FAM53A: variants seen among roughly 807,000 people sequenced by gnomAD.
The protein encoded by FAM53A is protein FAM53A.
FAM53A carries 28 observed loss-of-function variants against 26.6 expected under a neutral mutation model. That is an observed-to-expected ratio of 1.05 (90% CI 0.78 to 1.45). FAM53A has a LOEUF of 1.45. FAM53A is among the 40% of genes most tolerant of loss of function. The pLI is 0.00. For synonymous variants in FAM53A, 290 were observed against 253.1 expected (o/e 1.15, Z -1.38); for missense variants, 650 against 575.8 (o/e 1.13, Z -1.32).
the FAM53A span, among the ~76,000 whole-genome samples, chr4:1,583,727 C>T: frequency 6.6e-6 from 1 of 152,220 alleles, no homozygotes; most frequent in Non-Finnish European, 1.5e-5. Flanking sequence ...GCGTTAGTGT[C>T]GTTCTTGCCG....
At chr4:1,665,221 G>C (rs1432024935) in intron 2 of FAM53A, among the ~76,000 whole-genome samples, 1 of 152,116 alleles carries the variant, frequency 6.6e-6, no homozygotes, top group Non-Finnish European at 1.5e-5. Context: ...AGGAGACTGA[G>C]GCAAGAGAAT....
At chr4:1,578,629 C>T in the FAM53A span, among the ~76,000 whole-genome samples, 5 of 150,836 alleles carry the variant, frequency 3.3e-5, no homozygotes, top group African/African-American at 1.2e-4. Context: ...GCGCCCTGCC[C>T]TCCACGCCCA....
At chr4:1,603,557 A>G in the FAM53A span, among the ~76,000 whole-genome samples, 4 of 152,134 alleles carry the variant, frequency 2.6e-5, no homozygotes, top group Non-Finnish European at 5.9e-5. Flanking sequence ...CGATGGTCCC[A>G]GGAGGCTTCC....
chr4:1,655,302 C>T lies in FAM53A; in HGVS notation c.558G>A (p.Arg186=), dbSNP rs1476193093. The T allele has an allele frequency of 7.0e-7, 1 of 1,423,986 alleles. No homozygotes were observed. The allele number at this position is 1,423,986 out of a possible 1,614,324, so 88.2% of individuals were successfully genotyped here. A position where few individuals can be genotyped will look rare whatever the true frequency, so the allele number is the denominator to read the frequency against. ...STGPTSPATP[R]PSSASGGFVD... ...CGAAGCCGCCGCTGGCGGAGGACGG[C>T]CGGGGCGTGGCGGGCGAGGTGGGAC... Residue 186 remains arginine, a synonymous_variant, in exon 4 of 5, where the codon CGG becomes CGA. Coordinates refer to ENST00000308132, the MANE Select transcript of FAM53A (RefSeq NM_001174070.3).
At chr4:1,595,360 C>T in the FAM53A span, among the ~76,000 whole-genome samples, 10 of 152,198 alleles carry the variant, frequency 6.6e-5, no homozygotes, top group Non-Finnish European at 1.3e-4. Flanking sequence ...CACATCCTGG[C>T]GCCCTGCTGA....
chr4:1,644,516 C>A (rs1021378965), intron 4 of FAM53A: 9 of 831,764 alleles, frequency 1.1e-5, no homozygotes, highest in Middle Eastern at 3.8e-4. Flanking sequence ...GAAACCGAGG[C>A]CCACGGGGCC....
chr4:1,647,525 C>G (rs911616015), intron 4 of FAM53A, among the ~76,000 whole-genome samples: 1 of 152,128 alleles, frequency 6.6e-6, no homozygotes, highest in Admixed American at 6.5e-5. Context: ...TGAGGATGAT[C>G]GCCGAACGGT....
At chr4:1,653,382 C>G (rs13144025) in intron 4 of FAM53A, among the ~76,000 whole-genome samples, 2 of 152,148 alleles carry the variant, frequency 1.3e-5, no homozygotes, top group Admixed American at 1.3e-4. Flanking sequence ...AACCCAGGGC[C>G]GCTCTACATT....
chr4:1,652,152 C>T (rs1000705429), intron 4 of FAM53A, among the ~76,000 whole-genome samples: 1 of 143,666 alleles, frequency 7.0e-6, no homozygotes, highest in African/African-American at 2.6e-5. Context: ...ACACACCACA[C>T]GTCACACACA....
At chr4:1,673,225 G>T (rs934871215) in intron 1 of FAM53A, among the ~76,000 whole-genome samples, 2 of 152,184 alleles carry the variant, frequency 1.3e-5, no homozygotes, top group African/African-American at 2.4e-5. Context: ...AATGCAGCAC[G>T]TGACCCTGGG....
intron 1 of FAM53A, among the ~76,000 whole-genome samples, chr4:1,674,849 C>T (rs1714927451): frequency 6.6e-6 from 1 of 152,168 alleles, no homozygotes; most frequent in South Asian, 2.1e-4. Context: ...GCACCAGTCA[C>T]GAGGCATGAT....
At chr4:1,684,405 G>A (rs1393472523), upstream of FAM53A, 22 of 147,980 alleles carry the variant, frequency 1.5e-4, no homozygotes, top group Middle Eastern at 3.2e-3. Flanking sequence ...CCCGTCAGCC[G>A]CCGCCTTCTC....
the FAM53A span, among the ~76,000 whole-genome samples, chr4:1,587,403 G>T: frequency 2.0e-3 from 297 of 152,260 alleles, no homozygotes; most frequent in African/African-American, 6.8e-3. Flanking sequence ...CGGGCACAGT[G>T]GTTTACGTCT....
downstream of FAM53A, among the ~76,000 whole-genome samples, chr4:1,614,440 A>G: frequency 7.9e-6 from 1 of 126,476 alleles, no homozygotes; most frequent in Non-Finnish European, 1.6e-5. Context: ...AGGGGGATGC[A>G]GAGACATGAG....
chr4:1,679,493 C>A (rs528740542), intron 1 of FAM53A, among the ~76,000 whole-genome samples: 6 of 151,572 alleles, frequency 4.0e-5, no homozygotes, highest in Admixed American at 3.3e-4. Flanking sequence ...CGAGACCAGC[C>A]TGGCCAATGT....
the FAM53A span, among the ~76,000 whole-genome samples, chr4:1,593,151 G>T: frequency 3.3e-5 from 5 of 152,180 alleles, no homozygotes; most frequent in Non-Finnish European, 2.9e-5. Context: ...GAGGCACCAG[G>T]TCCTGGGTCG....
downstream of FAM53A, among the ~76,000 whole-genome samples, chr4:1,635,906 C>T (rs558835576): frequency 5.8e-5 from 8 of 136,802 alleles, no homozygotes; most frequent in East Asian, 4.2e-4. Context: ...TGCAGTGGCG[C>T]GATCTCGGCT....
chr4:1,633,002 G>A (rs28377224), intron 1 of FAM53A, among the ~76,000 whole-genome samples: 28 of 152,290 alleles, frequency 1.8e-4, no homozygotes, highest in African/African-American at 5.1e-4. Context: ...GTACACACTC[G>A]TGCTCACACG....
At chr4:1,602,106 C>T in the FAM53A span, among the ~76,000 whole-genome samples, 3 of 152,236 alleles carry the variant, frequency 2.0e-5, no homozygotes, top group African/African-American at 7.2e-5. Context: ...CATGGTGGTG[C>T]CGGCGGCTAC....
Sources: allele counts gnomAD v4.1 joint callset (sites outside exome capture counted in the v4.1 genomes callset), GRCh38; gene constraint gnomAD v4.1.1; transcripts MANE v1.5; gene names NCBI Gene and HGNC (gene_info 2026-07-23, HGNC 2026-07-21).